Variants in AMPH observed in about 807,000 individuals in gnomAD.
AMPH encodes the protein amphiphysin.
Under a neutral mutation model 99.1 loss-of-function variants are expected in AMPH, and 49 were observed. That is an observed-to-expected ratio of 0.49 (90% CI 0.39 to 0.63). The LOEUF is 0.63. Ranked by LOEUF, AMPH falls within the 20% of genes least tolerant of loss-of-function variation. The pLI is 0.00. For missense variants in AMPH, 759 were observed against 863.4 expected, an observed-to-expected ratio of 0.88 and a Z score of 1.52; for synonymous variants, 314 against 317.3, an observed-to-expected ratio of 0.99 and a Z score of 0.11.
rs1003667255 is a variant in AMPH, at chr7:38,483,984, T to TG, written c.397-7016dup. On this transcript the variant is annotated intron_variant, in intron 5 of 20. Transcript: ENST00000356264. ...ACAATAAGTGAACTGAAAAATTCAC[T>TG]GGGGGGGCGTTCAGTAGAATATTAG... is the stretch of plus-strand genomic sequence containing the variant. Among the ~76,000 whole-genome samples the TG allele has an allele frequency of 7.9e-5, 12 of 151,768 alleles. No individual in the cohort carries two copies. The East Asian group carries it at 1.4e-3, about 17-fold the overall frequency.
chr7:38,476,875 C>T lies in AMPH; in HGVS notation c.491G>A (p.Ser164Asn). ...ALQSSKRKDE[S>N]RISKAEEEFQ... The stretch of plus-strand genomic sequence containing the variant: ...CTCAATCCCTACCTTAGAGATTCGA[C>T]TCTCATCCTTCCTCTTGGAGCTCTG... Residue 164 changes from serine (S) to asparagine (N), a missense_variant, in exon 6 of 21, where the codon AGT becomes AAT. By Grantham distance (46) the Ser-to-Asn change is conservative. Transcript: ENST00000356264. 1.2e-6 allele frequency: 2 copies of T among 1,613,638 alleles called. No homozygotes were observed. The highest frequency in any genetic ancestry group is 2.2e-5 in the East Asian group (1 of 44,840).
chr7:38,477,950 TACAACA>T (rs939409676), intron 5 of AMPH, among the ~76,000 whole-genome samples: 5 of 152,042 alleles, frequency 3.3e-5, no homozygotes, highest in Non-Finnish European at 7.4e-5. Context: ...ACCTGACTCC[TACAACA>T]AGTAGTGGAC....
intron 18 of AMPH, 35 bp from the exon 19 acceptor site, chr7:38,392,052 G>A: frequency 6.3e-7 from 1 of 1,595,028 alleles, no homozygotes; most frequent in South Asian, 1.1e-5. Flanking sequence ...TGCCCGGCAG[G>A]GCCTGGAAAA....
chr7:38,575,343 G>C (rs1458430400), intron 1 of AMPH, among the ~76,000 whole-genome samples: 1 of 152,114 alleles, frequency 6.6e-6, no homozygotes, highest in Non-Finnish European at 1.5e-5. Context: ...AATGGAGAAT[G>C]AGCATTATAT....
At chr7:38,430,533 C>G (rs1174942701) in intron 13 of AMPH, among the ~76,000 whole-genome samples, 1 of 152,148 alleles carries the variant, frequency 6.6e-6, no homozygotes, top group East Asian at 1.9e-4. Context: ...TTCAAAAGCT[C>G]TTTTTAGACG....
At chr7:38,529,515 A>G (rs547784847) in intron 2 of AMPH, among the ~76,000 whole-genome samples, 6 of 152,346 alleles carry the variant, frequency 3.9e-5, no homozygotes, top group African/African-American at 1.4e-4. Flanking sequence ...ATCACCTTCC[A>G]GGTAACTTCA....
chr7:38,553,526 G>A (rs1258208151), intron 1 of AMPH, among the ~76,000 whole-genome samples: 8 of 152,194 alleles, frequency 5.3e-5, no homozygotes, highest in South Asian at 2.1e-4. Flanking sequence ...GGGATCACAC[G>A]TGCCATTTTA....
chr7:38,621,844 C>T (rs1794078307), intron 1 of AMPH, among the ~76,000 whole-genome samples: 1 of 152,174 alleles, frequency 6.6e-6, no homozygotes. Flanking sequence ...CTTTATACGA[C>T]ATCATTCCTC....
intron 20 of AMPH, among the ~76,000 whole-genome samples, chr7:38,385,533 T>C (rs1418325146): frequency 6.6e-6 from 1 of 152,248 alleles, no homozygotes; most frequent in East Asian, 1.9e-4. Flanking sequence ...TGTGTTGCCT[T>C]ATATTACTAT....
intron 12 of AMPH, among the ~76,000 whole-genome samples, chr7:38,432,449 T>C (rs1023480241): frequency 6.6e-6 from 1 of 152,200 alleles, no homozygotes; most frequent in Non-Finnish European, 1.5e-5. Context: ...AAAACCACAT[T>C]TTAAATTTTA....
Position 38,595,974 on chromosome 7 carries a change from T to C in AMPH, c.69+35309A>G, listed in dbSNP as rs181332947. ...ATCCAATCGACCATTAATAGACACC[T>C]GGATTGATTCCATGTCTTTGCTATT... is the stretch of plus-strand genomic sequence containing the variant. On this transcript the variant is annotated intron_variant, in intron 1 of 20. Transcript: ENST00000356264. 3.3e-3 allele frequency among the ~76,000 whole-genome samples: 497 copies of C among 152,352 alleles called. 3 individuals carry two copies. The highest frequency in any genetic ancestry group is 4.2e-3 in the Non-Finnish European group (288 of 68,034).
intron 17 of AMPH, among the ~76,000 whole-genome samples, chr7:38,406,178 A>G (rs550463023): frequency 2.6e-5 from 4 of 152,310 alleles, no homozygotes; most frequent in African/African-American, 9.6e-5. Flanking sequence ...GAAAATAGAG[A>G]CACAACATAT....
At position 38,466,228 on chromosome 7, in the gene AMPH, T is replaced by C. The variant is rs1470572108; in HGVS notation, c.611A>G (p.Asn204Ser). Residue 204 changes from asparagine to serine, a missense_variant, in exon 8 of 21, where the codon AAT (asparagine) becomes AGT (serine). This residue lies in a region of AMPH where 205 missense variants were observed against 287.9 expected (regional missense o/e 0.71). Coordinates refer to ENST00000356264, the MANE Select transcript of AMPH (RefSeq NM_001635.4). ...LWSRRVGFYV[N>S]TFKNVSSLEA... ...AAGGCTGGAGACGTTTTTGAAAGTATTAACATAAAATCCAACTCGTCTGCC... is the reference window on the plus strand; with the variant it reads ...AAGGCTGGAGACGTTTTTGAAAGTACTAACATAAAATCCAACTCGTCTGCC... 3.8e-6 allele frequency: 6 copies of C among 1,595,384 alleles called. No homozygotes were observed. The highest frequency in any genetic ancestry group is 1.8e-5 in the Admixed American group (1 of 54,580).
At chr7:38,598,553 C>T (rs1045276383) in intron 1 of AMPH, among the ~76,000 whole-genome samples, 1 of 152,118 alleles carries the variant, frequency 6.6e-6, no homozygotes, top group South Asian at 2.1e-4. Flanking sequence ...CCACCTGCCT[C>T]GGGCTCCCAA....
intron 1 of AMPH, among the ~76,000 whole-genome samples, chr7:38,543,005 A>C (rs959055131): frequency 1.3e-5 from 2 of 151,878 alleles, no homozygotes; most frequent in Non-Finnish European, 2.9e-5. Flanking sequence ...GAGGCAGAAG[A>C]ATCACTTGAA....
chr7:38,508,179 C>T (rs1789402625), intron 2 of AMPH, among the ~76,000 whole-genome samples: 1 of 152,154 alleles, frequency 6.6e-6, no homozygotes, highest in Admixed American at 6.5e-5. Flanking sequence ...GCAGCAGCAA[C>T]CACTGCACAA....
chr7:38,629,329 G>A (rs1276644129), intron 1 of AMPH, among the ~76,000 whole-genome samples: 1 of 152,144 alleles, frequency 6.6e-6, no homozygotes, highest in Non-Finnish European at 1.5e-5. Flanking sequence ...CTTAGTGTTT[G>A]AACCTCTATA....
At chr7:38,396,655 A>G (rs1259951132) in intron 17 of AMPH, among the ~76,000 whole-genome samples, 2 of 152,200 alleles carry the variant, frequency 1.3e-5, no homozygotes, top group Non-Finnish European at 2.9e-5. Flanking sequence ...AATGGCTGAA[A>G]ATTCCTATAA....
intron 11 of AMPH, among the ~76,000 whole-genome samples, chr7:38,454,464 G>A (rs1229812621): frequency 1.3e-5 from 2 of 151,742 alleles, no homozygotes; most frequent in African/African-American, 4.8e-5. Context: ...TCTTTTACTT[G>A]TAGAAAAAAG....
Sources: allele counts gnomAD v4.1 joint callset (sites outside exome capture counted in the v4.1 genomes callset), GRCh38; gene constraint gnomAD v4.1.1; regional missense constraint gnomAD v4.1.1; transcripts MANE v1.5; gene names NCBI Gene and HGNC (gene_info 2026-07-23, HGNC 2026-07-21).